FOXN3: variants seen among roughly 807,000 people sequenced by gnomAD.
FOXN3 encodes the protein forkhead box N3, also known as forkhead box protein N3.
In FOXN3, 7 loss-of-function variants were observed where a neutral mutation model predicts 38.4. The observed-to-expected ratio is 0.18, with a 90% CI of 0.10 to 0.34. The LOEUF is 0.34. Ranked by LOEUF, FOXN3 falls within the 10% of genes least tolerant of loss-of-function variation. The probability of loss-of-function intolerance (pLI) is 1.00; values close to 1 mark genes in which losing one functional copy is unlikely to be tolerated. For synonymous variants in FOXN3, 230 were observed against 242.2 expected, an observed-to-expected ratio of 0.95 and a Z score of 0.47; for missense variants, 456 against 613.4, an observed-to-expected ratio of 0.74 and a Z score of 2.71.
rs117270455 is a variant in FOXN3, at chr14:89,302,125, C to T, written c.681-21111G>A. Among the ~76,000 whole-genome samples, 8 of 152,292 alleles carry T rather than the reference C, an allele frequency of 5.3e-5. No individual in the cohort carries two copies. The South Asian group carries it at 6.2e-4, about 12-fold the overall frequency. On this transcript the variant is annotated intron_variant, in intron 3 of 5. Transcript: ENST00000557258. ...CTTCCACCATCACATGGGCTGGAGCCGAAGAAACTGATTCTTACACACCTA... is the reference window on the plus strand; with the variant it reads ...CTTCCACCATCACATGGGCTGGAGCTGAAGAAACTGATTCTTACACACCTA...
rs1293316989 is a variant in FOXN3, at chr14:89,435,955, G to A, written c.-14-23465C>T. Among the ~76,000 whole-genome samples, 6 of 152,074 alleles carry A rather than the reference G, an allele frequency of 3.9e-5. No individual in the cohort carries two copies. In the South Asian group the frequency reaches 8.3e-4, roughly 21 times the overall value. On this transcript the variant is annotated intron_variant, in intron 1 of 6. Transcript: ENST00000345097. ...TGACTAAAGGCACAGCAGGTTTTAC[G>A]TACTCCATTTCCTAGGGCTCCTCCC...
intron 1 of FOXN3, among the ~76,000 whole-genome samples, chr14:89,537,486 T>TGGAC (rs1269586899): frequency 6.8e-6 from 1 of 146,846 alleles, no homozygotes; most frequent in Non-Finnish European, 1.5e-5. Context: ...GATGGATGGA[T>TGGAC]GGACTATCCA....
chr14:89,190,849 C>T (rs1309657999), intron 4 of FOXN3, among the ~76,000 whole-genome samples: 1 of 152,074 alleles, frequency 6.6e-6, no homozygotes, highest in Non-Finnish European at 1.5e-5. Context: ...CTCACAGCAT[C>T]AAGAAAGCAT....
chr14:89,514,069 AG>A (rs1323692166), intron 1 of FOXN3, among the ~76,000 whole-genome samples: 1 of 152,174 alleles, frequency 6.6e-6, no homozygotes, highest in East Asian at 1.9e-4. Flanking sequence ...AAGGGCTGCC[AG>A]AGAACCAGGT....
intron 2 of FOXN3, among the ~76,000 whole-genome samples, chr14:89,371,376 G>T (rs1405610189): frequency 6.6e-6 from 1 of 151,974 alleles, no homozygotes; most frequent in Non-Finnish European, 1.5e-5. Context: ...GTTCTGTTTA[G>T]GCTTTTTAAT....
At chr14:89,579,656 A>G (rs1266235554) in intron 1 of FOXN3, among the ~76,000 whole-genome samples, 2 of 151,908 alleles carry the variant, frequency 1.3e-5, no homozygotes, top group African/African-American at 4.8e-5. Context: ...CCTGTTCCTC[A>G]GACATGCAAG....
At position 89,241,117 on chromosome 14, in the gene FOXN3, A is replaced by G. The variant is rs117407974; in HGVS notation, c.745+39833T>C. The stretch of plus-strand genomic sequence containing the variant: ...CACTGACACTGGCATCCTCTGAGTG[A>G]CATGTAGTGGCTGAGCCAGACACTC... On this transcript the variant is annotated intron_variant, in intron 4 of 5. Transcript: ENST00000557258. Among the ~76,000 whole-genome samples, 686 of 152,270 alleles carry G rather than the reference A, an allele frequency of 4.5e-3. 1 individual carries two copies. Among genetic ancestry groups the G allele is most frequent in the Admixed American group, 9.3e-3 (143 of 15,298 alleles).
intron 1 of FOXN3, among the ~76,000 whole-genome samples, chr14:89,413,897 AG>A (rs1891616721): frequency 8.3e-6 from 1 of 120,222 alleles, no homozygotes; most frequent in South Asian, 3.2e-4. Flanking sequence ...AGGGCAGGGC[AG>A]GGCAGGGCAA....
chr14:89,533,052 T>C (rs1207132153), intron 1 of FOXN3, among the ~76,000 whole-genome samples: 1 of 152,154 alleles, frequency 6.6e-6, no homozygotes, highest in Non-Finnish European at 1.5e-5. Flanking sequence ...AAAGGTCATG[T>C]AGAGAATAAA....
Position 89,428,856 on chromosome 14 carries a change from C to T in FOXN3, c.-14-16366G>A, listed in dbSNP as rs764675607. Reference sequence around the variant, plus strand: ...ACCAAGGTGGGCATGCCACGGTGTCCTGGACTTCTGGATGGAGGCCAGTCC... The same window carrying T: ...ACCAAGGTGGGCATGCCACGGTGTCTTGGACTTCTGGATGGAGGCCAGTCC... On this transcript the variant is annotated intron_variant, in intron 1 of 6. Transcript: ENST00000345097. Among the ~76,000 whole-genome samples, 10 of 152,366 alleles carry T rather than the reference C, an allele frequency of 6.6e-5. No homozygotes were observed. The South Asian group carries it at 1.0e-3, about 16-fold the overall frequency.
At chr14:89,533,323 G>A (rs1247703115) in intron 1 of FOXN3, among the ~76,000 whole-genome samples, 2 of 152,090 alleles carry the variant, frequency 1.3e-5, no homozygotes, top group Non-Finnish European at 2.9e-5. Flanking sequence ...TCTCAAAAGC[G>A]CAATCCAGGG....
chr14:89,545,309 T>C (rs551982328), intron 1 of FOXN3, among the ~76,000 whole-genome samples: 5 of 152,238 alleles, frequency 3.3e-5, no homozygotes, highest in Non-Finnish European at 7.3e-5. Flanking sequence ...TGGGATCTCA[T>C]TCGTCGATAC....
intron 3 of FOXN3, among the ~76,000 whole-genome samples, chr14:89,310,608 T>C (rs1414578002): frequency 6.6e-6 from 1 of 152,176 alleles, no homozygotes; most frequent in Admixed American, 6.5e-5. Flanking sequence ...GGGTCCATCA[T>C]GCAAATGGAA....
rs188260204 is a variant in FOXN3 at position 89,363,318 on chromosome 14, G to A, written c.544-12510C>T. 5.9e-4 allele frequency among the ~76,000 whole-genome samples: 90 copies of A among 152,208 alleles called. No homozygotes were observed. The East Asian group carries it at 0.012, about 20-fold the overall frequency. ...CCCTGCATGGGGTCCAAGTTCCCAG[G>A]GTCATGTGTCTCTTTCAAGATCATG... On this transcript the variant is annotated intron_variant, in intron 2 of 5. Transcript: ENST00000557258.
intron 2 of FOXN3, among the ~76,000 whole-genome samples, chr14:89,379,300 T>C (rs781382451): frequency 6.6e-6 from 1 of 152,182 alleles, no homozygotes; most frequent in Non-Finnish European, 1.5e-5. Flanking sequence ...CCCTCCCCAG[T>C]CGACAGTGGT....
intron 4 of FOXN3, among the ~76,000 whole-genome samples, chr14:89,194,905 AT>A (rs1437764611): frequency 6.6e-6 from 1 of 152,136 alleles, no homozygotes; most frequent in Non-Finnish European, 1.5e-5. Context: ...ATGCAAATCT[AT>A]TTTTTTAAAA....
At chr14:89,336,425 C>A (rs2139993434) in intron 3 of FOXN3, among the ~76,000 whole-genome samples, 1 of 152,278 alleles carries the variant, frequency 6.6e-6, no homozygotes, top group East Asian at 1.9e-4. Flanking sequence ...TCCTTTTTAA[C>A]AAGTGATATG....
intron 1 of FOXN3, among the ~76,000 whole-genome samples, chr14:89,556,529 C>T (rs2139872080): frequency 6.6e-6 from 1 of 152,164 alleles, no homozygotes; most frequent in Non-Finnish European, 1.5e-5. Context: ...TGCATACCTA[C>T]CCCTGGAGAT....
intron 1 of FOXN3, among the ~76,000 whole-genome samples, chr14:89,423,002 A>G (rs1392101924): frequency 6.6e-6 from 1 of 152,244 alleles, no homozygotes; most frequent in Non-Finnish European, 1.5e-5. Flanking sequence ...CCGATGATCT[A>G]GAATCCAGAT....
Sources: gnomAD v4.1 joint callset for allele counts (sites outside exome capture counted in the v4.1 genomes callset) on GRCh38, gnomAD v4.1.1 for gene constraint, MANE v1.5 for transcripts, NCBI Gene and HGNC (gene_info 2026-07-23, HGNC 2026-07-21) for gene names.